Variants in FTO observed in about 807,000 individuals in gnomAD.
The protein encoded by FTO is FTO alpha-ketoglutarate dependent dioxygenase.
In FTO, 47 loss-of-function variants were observed where a neutral mutation model predicts 63.9. That is an observed-to-expected ratio of 0.74 (90% CI 0.58 to 0.94). The LOEUF is 0.94. Among genes scored for constraint, FTO ranks in the 40% least tolerant of loss-of-function variants. The pLI, the probability that FTO is intolerant of heterozygous loss-of-function variation, is 0.00. For synonymous variants in FTO, 207 were observed against 224.4 expected (o/e 0.92, Z 0.69); for missense variants, 562 against 618.1 (o/e 0.91, Z 0.96).
chr16:53,874,677 T>C (rs1170294004), intron 5 of FTO, among the ~76,000 whole-genome samples: 2 of 152,202 alleles, frequency 1.3e-5, no homozygotes, highest in Non-Finnish European at 2.9e-5. Flanking sequence ...GTGGCAGTAC[T>C]GCGTGAGTCT....
chr16:53,843,180 A>G (rs1299151979), intron 3 of FTO, among the ~76,000 whole-genome samples: 1 of 152,222 alleles, frequency 6.6e-6, no homozygotes, highest in Admixed American at 6.5e-5. Context: ...GCAATACTAC[A>G]ATAAATATAC....
At chr16:54,086,966 G>T (rs1172376483) in intron 8 of FTO, among the ~76,000 whole-genome samples, 1 of 152,188 alleles carries the variant, frequency 6.6e-6, no homozygotes, top group Non-Finnish European at 1.5e-5. Flanking sequence ...AGAATGAGAT[G>T]CCATTGCTTT....
At chr16:53,911,571 A>G in intron 7 of FTO, 1 of 684,350 alleles carries the variant, frequency 1.5e-6, no homozygotes, top group Non-Finnish European at 2.7e-6. Context: ...TTTCTCAGAA[A>G]CCATTCTGTG....
intron 1 of FTO, among the ~76,000 whole-genome samples, chr16:53,725,079 G>A (rs1400785357): frequency 1.3e-5 from 2 of 152,092 alleles, no homozygotes; most frequent in Non-Finnish European, 2.9e-5. Context: ...TATCCTTTAG[G>A]AATATGAGTA....
intron 3 of FTO, among the ~76,000 whole-genome samples, chr16:53,828,971 A>G (rs1598765532): frequency 6.6e-6 from 1 of 152,022 alleles, no homozygotes; most frequent in African/African-American, 2.4e-5. Flanking sequence ...GCTCACTGCA[A>G]CCTCCGCCTC....
chr16:53,923,871 C>G (rs1021325992), intron 7 of FTO, among the ~76,000 whole-genome samples: 2 of 151,980 alleles, frequency 1.3e-5, no homozygotes, highest in Admixed American at 1.3e-4. Context: ...ACATGACTGT[C>G]CCCGAGAGTT....
intron 1 of FTO, among the ~76,000 whole-genome samples, chr16:53,762,788 G>C (rs958870840): frequency 8.5e-5 from 13 of 152,314 alleles, no homozygotes; most frequent in Middle Eastern, 6.8e-3. Flanking sequence ...TCCTTTTGTA[G>C]ACAGGAACCT....
chr16:53,760,235 TGTGTGTGTGTGTGTGTGTGTG>T (rs1356141724), intron 1 of FTO, among the ~76,000 whole-genome samples: 738 of 20,110 alleles, frequency 0.037, 20 homozygotes, highest in East Asian at 0.12. Context: ...TGTGTGTGTG[TGTGTGTGTGTGTGTGTGTGTG>T]TGTGTTTTTT....
intron 8 of FTO, among the ~76,000 whole-genome samples, chr16:53,989,458 A>G (rs1341950981): frequency 2.0e-5 from 3 of 152,106 alleles, no homozygotes; most frequent in Non-Finnish European, 4.4e-5. Context: ...ACCCAGTAGG[A>G]TAGTAGGAAT....
At chr16:54,069,970 TTCTC>T (rs2085826925) in intron 8 of FTO, 1 of 152,170 alleles carries the variant, frequency 6.6e-6, no homozygotes, top group Middle Eastern at 3.2e-3. Flanking sequence ...TTACTTAACT[TTCTC>T]TATGCCTTGG....
At chr16:53,736,763 G>A (rs2076398798) in intron 1 of FTO, among the ~76,000 whole-genome samples, 1 of 152,112 alleles carries the variant, frequency 6.6e-6, no homozygotes, top group Non-Finnish European at 1.5e-5. Context: ...AGGATAAAAG[G>A]CCAAGTGCCA....
At chr16:53,922,046 T>C (rs1238532974) in intron 7 of FTO, among the ~76,000 whole-genome samples, 1 of 152,178 alleles carries the variant, frequency 6.6e-6, no homozygotes, top group Admixed American at 6.5e-5. Context: ...GGGAATTACA[T>C]GATCATCATA....
At chr16:53,924,742 A>T (rs2082097240) in intron 7 of FTO, among the ~76,000 whole-genome samples, 1 of 152,166 alleles carries the variant, frequency 6.6e-6, no homozygotes, top group South Asian at 2.1e-4. Context: ...AAACAGGGGA[A>T]AGAAAGTTTT....
In FTO at chr16:54,090,501, C is replaced by A. The variant is rs544611695; in HGVS notation, c.1365-21261C>A. Among the ~76,000 whole-genome samples the A allele has an allele frequency of 1.7e-3, 261 of 152,192 alleles. 1 individual carries two copies. The highest frequency in any genetic ancestry group is 3.5e-3 in the Admixed American group (53 of 15,284). ...TGTAAGTGTAAATGTGATAATTCCACTGAACCGTATACTTAAAAATGATTC... is the reference window on the plus strand; with the variant it reads ...TGTAAGTGTAAATGTGATAATTCCAATGAACCGTATACTTAAAAATGATTC... On this transcript the variant is annotated intron_variant, in intron 8 of 8. Transcript: ENST00000471389.
In FTO at chr16:54,011,065, C is replaced by T. The variant is rs1442397223; in HGVS notation, c.1364+76956C>T. ...TTTCCAGAGGGAACCTCACTTTAAT[C>T]TCATCCACCTCTGACTTCTGCACCC... On this transcript the variant is annotated intron_variant, in intron 8 of 8. Transcript: ENST00000471389. 3.9e-5 allele frequency among the ~76,000 whole-genome samples: 6 copies of T among 152,138 alleles called. No homozygotes were observed. The East Asian group carries it at 9.6e-4, about 24-fold the overall frequency.
intron 1 of FTO, among the ~76,000 whole-genome samples, chr16:53,722,924 C>T (rs968187531): frequency 6.6e-6 from 1 of 152,044 alleles, no homozygotes; most frequent in Admixed American, 6.6e-5. Context: ...ATTTTGGTGG[C>T]TCTTTACCTA....
At chr16:53,775,235 A>G (rs1230635842) in intron 1 of FTO, among the ~76,000 whole-genome samples, 1 of 152,162 alleles carries the variant, frequency 6.6e-6, no homozygotes, top group African/African-American at 2.4e-5. Context: ...TGTCCAGCAC[A>G]GCAACTAGCT....
chr16:53,999,587 T>G (rs1203263055), intron 8 of FTO: 1 of 152,172 alleles, frequency 6.6e-6, no homozygotes, highest in Non-Finnish European at 1.5e-5. Flanking sequence ...ACTGCACATT[T>G]TTTGCTTGGT....
chr16:53,862,512 T>C (rs2080203555), intron 4 of FTO, among the ~76,000 whole-genome samples: 2 of 151,968 alleles, frequency 1.3e-5, no homozygotes, highest in Non-Finnish European at 2.9e-5. Context: ...GTTTCTTTGA[T>C]TATTCTTATA....
Sources: allele counts gnomAD v4.1 joint callset (sites outside exome capture counted in the v4.1 genomes callset), GRCh38; gene constraint gnomAD v4.1.1; transcripts MANE v1.5; gene names NCBI Gene and HGNC (gene_info 2026-07-23, HGNC 2026-07-21).